FANCC: variants seen among roughly 807,000 people sequenced by gnomAD.
FANCC encodes FA complementation group C, also known as Fanconi anemia group C protein.
In FANCC, 55 loss-of-function variants were observed where a neutral mutation model predicts 71.3. The ratio of observed to expected loss-of-function variants is 0.77; its 90% confidence interval spans 0.62 to 0.97. The LOEUF (loss-of-function observed/expected upper bound fraction) is 0.97, where lower values mean the gene tolerates loss of function less well. Ranked by LOEUF, FANCC falls within the 50% of genes least tolerant of loss-of-function variation. FANCC has a pLI of 0.00. For missense variants in FANCC, 678 were observed against 670.9 expected, an observed-to-expected ratio of 1.01 and a Z score of -0.12; for synonymous variants, 275 against 244.9, an observed-to-expected ratio of 1.12 and a Z score of -1.15.
chr9:95,290,697 A>C (rs1306472032), intron 1 of FANCC, among the ~76,000 whole-genome samples: 1 of 152,230 alleles, frequency 6.6e-6, no homozygotes, highest in Non-Finnish European at 1.5e-5. Context: ...AGGAAGTCCT[A>C]AAAGCAGACA....
intron 1 of FANCC, among the ~76,000 whole-genome samples, chr9:95,264,483 G>C (rs1431583766): frequency 1.3e-5 from 2 of 152,138 alleles, no homozygotes; most frequent in East Asian, 1.9e-4. Flanking sequence ...CTGTCAGGGG[G>C]ACAAGAAAGT....
intron 4 of FANCC, among the ~76,000 whole-genome samples, chr9:95,236,182 C>A (rs1830310858): frequency 6.6e-6 from 1 of 151,872 alleles, no homozygotes; most frequent in Non-Finnish European, 1.5e-5. Flanking sequence ...CTATCAGAAT[C>A]AAAAAATAAT....
chr9:95,293,140 T>C, intron 1 of FANCC: 1 of 1,613,066 alleles, frequency 6.2e-7, no homozygotes, highest in Non-Finnish European at 8.5e-7. Flanking sequence ...GCTAGAACCA[T>C]CTTTTGAAGA....
In FANCC at chr9:95,170,483, C is replaced by CTGAGATTCTTT. The variant is rs529961364; in HGVS notation, c.521+585_521+595dup. On this transcript the variant is annotated intron_variant, in intron 6 of 14. Coordinates refer to ENST00000289081, the MANE Select transcript of FANCC (RefSeq NM_000136.3). ...AAAATGAAATGCCCACCAATGAAAA[C>CTGAGATTCTTT]TGAGATTCTTTTACAGAGTGAAGAA... 3.7e-3 allele frequency among the ~76,000 whole-genome samples: 562 copies of CTGAGATTCTTT among 151,580 alleles called. 2 individuals are homozygous for CTGAGATTCTTT. Among genetic ancestry groups the CTGAGATTCTTT allele is most frequent in the African/African-American group, 0.013 (548 of 41,356 alleles).
At chr9:95,231,383 G>A (rs958534859) in intron 4 of FANCC, among the ~76,000 whole-genome samples, 1 of 152,184 alleles carries the variant, frequency 6.6e-6, no homozygotes, top group South Asian at 2.1e-4. Context: ...CAACCAGCCT[G>A]CCCACTGACT....
At chr9:95,164,149 C>G (rs1830926509) in intron 6 of FANCC, among the ~76,000 whole-genome samples, 1 of 152,062 alleles carries the variant, frequency 6.6e-6, no homozygotes, top group African/African-American at 2.4e-5. Context: ...TTTATTAGTT[C>G]TAACAATTTT....
At chr9:95,152,739 C>A (rs1257346571) in intron 6 of FANCC, among the ~76,000 whole-genome samples, 6 of 151,972 alleles carry the variant, frequency 3.9e-5, no homozygotes, top group Non-Finnish European at 7.4e-5. Flanking sequence ...ATCCATCACC[C>A]GAGTAGACTG....
intron 14 of FANCC, among the ~76,000 whole-genome samples, chr9:95,103,102 C>A (rs1244930165): frequency 6.6e-6 from 1 of 152,122 alleles, no homozygotes; most frequent in Non-Finnish European, 1.5e-5. Context: ...CTGCTGTGGA[C>A]CCCTTTCAGT....
chr9:95,317,669 A>G lies in FANCC; in HGVS notation c.-222T>C, dbSNP rs1200453741. 1.3e-5 allele frequency: 2 copies of G among 152,098 alleles called. No homozygotes were observed. Among genetic ancestry groups the G allele is most frequent in the African/African-American group, 2.4e-5 (1 of 41,414 alleles). 9.4% of individuals were successfully genotyped at this position (152,098 alleles called of 1,614,324 possible). On this transcript the variant is annotated 5_prime_UTR_variant, in exon 1 of 15. Transcript: ENST00000289081. ...TGGAATTTTCCCGCGGTCGCCCGGC[A>G]GTGGAGCCGCGCGCGCGCACACGTG...
At chr9:95,193,319 G>C (rs1827224120) in intron 4 of FANCC, among the ~76,000 whole-genome samples, 1 of 152,074 alleles carries the variant, frequency 6.6e-6, no homozygotes, top group African/African-American at 2.4e-5. Flanking sequence ...TCAGCCCAAA[G>C]GCAAGGAAAA....
intron 13 of FANCC, among the ~76,000 whole-genome samples, chr9:95,109,081 T>TTTA (rs530921966): frequency 4.0e-4 from 61 of 152,266 alleles, no homozygotes; most frequent in African/African-American, 1.4e-3. Flanking sequence ...GGCTAATTTC[T>TTTA]TTATTTATTT....
chr9:95,139,822 A>G (rs189742380), intron 7 of FANCC, among the ~76,000 whole-genome samples: 9 of 146,652 alleles, frequency 6.1e-5, no homozygotes, highest in Admixed American at 3.4e-4. Context: ...GACAAAATGA[A>G]TATATATATA....
chr9:95,280,395 GAACACTTGAATAACACT>G (rs1300763714), intron 1 of FANCC, among the ~76,000 whole-genome samples: 2 of 152,048 alleles, frequency 1.3e-5, no homozygotes, highest in African/African-American at 2.4e-5. Flanking sequence ...CAAGAAAACA[GAACACTTGAATAACACT>G]ATAAACCAAC....
intron 4 of FANCC, among the ~76,000 whole-genome samples, chr9:95,188,330 C>T (rs971371129): frequency 2.0e-5 from 3 of 152,268 alleles, no homozygotes; most frequent in East Asian, 1.9e-4. Flanking sequence ...AGGCACACAG[C>T]GCGTGGGTTA....
chr9:95,152,164 TG>T (rs1830213175), intron 6 of FANCC, among the ~76,000 whole-genome samples: 1 of 152,250 alleles, frequency 6.6e-6, no homozygotes, highest in South Asian at 2.1e-4. Flanking sequence ...TATATATTTG[TG>T]TATCTTTGTC....
chr9:95,141,866 T>A (rs1386321525), intron 7 of FANCC, among the ~76,000 whole-genome samples: 3 of 152,168 alleles, frequency 2.0e-5, no homozygotes, highest in African/African-American at 7.2e-5. Flanking sequence ...CTGGTTTTAG[T>A]TCAGTGATTG....
At chr9:95,264,097 T>C (rs910015049) in intron 1 of FANCC, among the ~76,000 whole-genome samples, 1 of 152,186 alleles carries the variant, frequency 6.6e-6, no homozygotes, top group Non-Finnish European at 1.5e-5. Flanking sequence ...CCTCACAGCA[T>C]AGTTGAGGCA....
rs557358183 is a variant in FANCC at position 95,131,254 on chromosome 9, C to A, written c.843+4092G>T. Among the ~76,000 whole-genome samples the A allele has an allele frequency of 3.9e-5, 6 of 152,310 alleles. No homozygotes were observed. In the East Asian group the frequency reaches 1.2e-3, roughly 29 times the overall value. ...TGGACACAGAGGATCCCCAGCACCCCCTCCCCTGCCTGAAGTCCTTCTAGC... is the reference window on the plus strand; with the variant it reads ...TGGACACAGAGGATCCCCAGCACCCACTCCCCTGCCTGAAGTCCTTCTAGC... On this transcript the variant is annotated intron_variant, in intron 8 of 14. Coordinates refer to ENST00000289081, the MANE Select transcript of FANCC (RefSeq NM_000136.3).
rs115275458 is a variant in FANCC at position 95,228,182 on chromosome 9, G to A, written c.345+12467C>T. ...ATTGTGGAATAAATGAGGGATGGAG[G>A]ATGAAGAAAAGATGGGAGGGGAGCC... is the stretch of plus-strand genomic sequence containing the variant. On this transcript the variant is annotated intron_variant, in intron 4 of 14. Transcript: ENST00000289081. Among the ~76,000 whole-genome samples the A allele has an allele frequency of 1.2e-3, 183 of 152,300 alleles. 1 individual carries two copies. The highest frequency in any genetic ancestry group is 4.3e-3 in the African/African-American group (180 of 41,560).
Sources: allele counts gnomAD v4.1 joint callset (sites outside exome capture counted in the v4.1 genomes callset), GRCh38; gene constraint gnomAD v4.1.1; transcripts MANE v1.5; gene names NCBI Gene and HGNC (gene_info 2026-07-23, HGNC 2026-07-21).